MAP4K5: variants seen among roughly 807,000 people sequenced by gnomAD.
MAP4K5 encodes the protein mitogen-activated protein kinase kinase kinase kinase 5, also known as MAPK/ERK kinase kinase kinase 5.
A neutral mutation model predicts 135.6 loss-of-function variants in MAP4K5; 82 were observed. The ratio of observed to expected loss-of-function variants is 0.60; its 90% confidence interval spans 0.51 to 0.73. The LOEUF is 0.73. Among genes scored for constraint, MAP4K5 ranks in the 30% least tolerant of loss-of-function variants. MAP4K5 has a pLI of 0.00. For missense variants in MAP4K5, 907 were observed against 1,010.9 expected (o/e 0.90, Z 1.39); for synonymous variants, 347 against 335.0 (o/e 1.04, Z -0.39).
intron 3 of MAP4K5, among the ~76,000 whole-genome samples, chr14:50,492,736 T>G (rs758499207): frequency 6.6e-6 from 1 of 152,164 alleles, no homozygotes; most frequent in Non-Finnish European, 1.5e-5. Flanking sequence ...TAAAGAAAAC[T>G]ATCAGACTCA....
chr14:50,532,195 A>C (rs2038409936), intron 1 of MAP4K5, 37 bp from the exon 2 acceptor site: 1 of 596,826 alleles, frequency 1.7e-6, no homozygotes, highest in East Asian at 3.0e-5. Flanking sequence ...TTGGCGTCGC[A>C]GGCTACGACC....
At chr14:50,465,280 A>T (rs2139823007) in intron 11 of MAP4K5, among the ~76,000 whole-genome samples, 1 of 152,318 alleles carries the variant, frequency 6.6e-6, no homozygotes, top group African/African-American at 2.4e-5. Context: ...GGATATACAT[A>T]CAGAATTTTG....
intron 22 of MAP4K5, 83 bp downstream of exon 22, chr14:50,440,279 G>A: frequency 1.1e-6 from 1 of 916,036 alleles, no homozygotes; most frequent in Non-Finnish European, 1.7e-6. Context: ...TAAAATTGGG[G>A]CCTACACAGA....
chr14:50,436,679 A>C (rs1015789573), intron 26 of MAP4K5, among the ~76,000 whole-genome samples: 6 of 152,130 alleles, frequency 3.9e-5, no homozygotes, highest in Non-Finnish European at 7.4e-5. Context: ...ATGAAGCCCC[A>C]ATAAAAACTC....
At position 50,428,680 on chromosome 14, in the gene MAP4K5, A is replaced by T; in HGVS notation, c.2308T>A (p.Phe770Ile). 6.6e-7 allele frequency: 1 copy of T among 1,519,590 alleles called. No individual in the cohort carries two copies. Among genetic ancestry groups the T allele is most frequent in the East Asian group, 2.4e-5 (1 of 42,066 alleles). The allele number at this position is 1,519,590 out of a possible 1,614,324, so 94.1% of individuals were successfully genotyped here. A position where few individuals can be genotyped will look rare whatever the true frequency, so the allele number is the denominator to read the frequency against. ...AACTTACCTACAGATTCAATGCGAA[A>T]ATCAAAACTTAACTCAGAGGCCAGT... is the stretch of plus-strand genomic sequence containing the variant. ...KKLASELSFD[F>I]RIESVVCLQD... The change falls in exon 30 of 33, where the codon TTT becomes ATT. Residue 770 changes from phenylalanine to isoleucine, a missense_variant. Phe to Ile is a conservative substitution (Grantham distance 21). This residue lies in a region of MAP4K5 where 690 missense variants were observed against 777.4 expected (regional missense o/e 0.89). Coordinates refer to ENST00000682126, the MANE Select transcript of MAP4K5 (RefSeq NM_006575.6).
intron 9 of MAP4K5, among the ~76,000 whole-genome samples, chr14:50,469,013 A>G (rs1044629580): frequency 6.6e-5 from 10 of 152,218 alleles, no homozygotes; most frequent in Non-Finnish European, 1.5e-5. Context: ...GCTCTAAGGA[A>G]AAATCTTGTT....
chr14:50,525,516 A>G (rs1251292757), intron 2 of MAP4K5, among the ~76,000 whole-genome samples: 1 of 151,952 alleles, frequency 6.6e-6, no homozygotes, highest in Non-Finnish European at 1.5e-5. Flanking sequence ...CTTACACTAC[A>G]CTGTAAGATA....
At chr14:50,540,325 G>C (rs1376584072) in intron 2 of MAP4K5, among the ~76,000 whole-genome samples, 1 of 152,068 alleles carries the variant, frequency 6.6e-6, no homozygotes, top group African/African-American at 2.4e-5. Flanking sequence ...AAAAATCCTG[G>C]GACTGATTGG....
chr14:50,464,638 GA>G (rs2036790701), intron 11 of MAP4K5, among the ~76,000 whole-genome samples: 1 of 152,166 alleles, frequency 6.6e-6, no homozygotes, highest in Non-Finnish European at 1.5e-5. Context: ...ATGAAGTGGG[GA>G]AAGGAAGAAG....
At chr14:50,515,222 G>C (rs879913233) in intron 2 of MAP4K5, among the ~76,000 whole-genome samples, 1 of 152,078 alleles carries the variant, frequency 6.6e-6, no homozygotes, top group Non-Finnish European at 1.5e-5. Flanking sequence ...ATTCTTTTAA[G>C]ATTTTATGAC....
intron 2 of MAP4K5, among the ~76,000 whole-genome samples, chr14:50,515,022 G>A (rs968390544): frequency 6.6e-6 from 1 of 151,766 alleles, no homozygotes; most frequent in South Asian, 2.1e-4. Flanking sequence ...TCTCGCTTCA[G>A]CCTCCCGAGT....
intron 2 of MAP4K5, among the ~76,000 whole-genome samples, chr14:50,542,031 A>G (rs1341854492): frequency 1.1e-5 from 1 of 93,596 alleles, no homozygotes; most frequent in Non-Finnish European, 2.9e-5. Flanking sequence ...AAAAAAAAAA[A>G]AAAAAAAAAA....
At chr14:50,421,914 CAG>C (rs1461526586) in intron 32 of MAP4K5, among the ~76,000 whole-genome samples, 26 of 142,360 alleles carry the variant, frequency 1.8e-4, no homozygotes, top group African/African-American at 6.6e-4. Flanking sequence ...TTTTTTTAGA[CAG>C]AGTCTTGCTC....
intron 1 of MAP4K5, 118 bp from the exon 2 acceptor site, chr14:50,532,276 G>A (rs940922911): frequency 5.2e-5 from 24 of 465,034 alleles, no homozygotes; most frequent in Non-Finnish European, 7.9e-5. Flanking sequence ...AAGAGAAAGG[G>A]GCCTGGAAGG....
intron 2 of MAP4K5, among the ~76,000 whole-genome samples, chr14:50,517,987 T>C (rs145992000): frequency 3.3e-4 from 51 of 152,312 alleles, no homozygotes; most frequent in Non-Finnish European, 6.6e-4. Context: ...GTACCTCAGA[T>C]ACAAGGATAA....
intron 2 of MAP4K5, among the ~76,000 whole-genome samples, chr14:50,541,803 G>A (rs866530225): frequency 6.6e-6 from 1 of 151,774 alleles, no homozygotes; most frequent in East Asian, 2.0e-4. Context: ...GGAGGATCAC[G>A]AGGTCAGGAG....
At chr14:50,431,392 T>C (rs891902723) in intron 28 of MAP4K5, among the ~76,000 whole-genome samples, 2 of 152,174 alleles carry the variant, frequency 1.3e-5, no homozygotes, top group African/African-American at 4.8e-5. Context: ...CCCAATGCTA[T>C]CCCTCTCCCC....
intron 1 of MAP4K5, among the ~76,000 whole-genome samples, chr14:50,545,606 G>T (rs767638671): frequency 6.6e-6 from 1 of 152,202 alleles, no homozygotes; most frequent in African/African-American, 2.4e-5. Context: ...TGCTGTTGCT[G>T]TGGTAAGACT....
At chr14:50,510,265 G>A (rs1043764610) in intron 2 of MAP4K5, among the ~76,000 whole-genome samples, 2 of 152,202 alleles carry the variant, frequency 1.3e-5, no homozygotes, top group Non-Finnish European at 1.5e-5. Flanking sequence ...ATTTTAGTCA[G>A]ATTAATCAGA....
Sources: allele counts gnomAD v4.1 joint callset (sites outside exome capture counted in the v4.1 genomes callset), GRCh38; gene constraint gnomAD v4.1.1; regional missense constraint gnomAD v4.1.1; transcripts MANE v1.5; gene names NCBI Gene and HGNC (gene_info 2026-07-23, HGNC 2026-07-21).